ASPH: variants seen among roughly 807,000 people sequenced by gnomAD.
ASPH encodes aspartyl/asparaginyl beta-hydroxylase.
ASPH carries 100 observed loss-of-function variants against 118.4 expected under a neutral mutation model. That is an observed-to-expected ratio of 0.84 (90% CI 0.72 to 1.00). The LOEUF (loss-of-function observed/expected upper bound fraction) is 1.00, where lower values mean the gene tolerates loss of function less well. Ranked by LOEUF, ASPH falls within the 50% of genes least tolerant of loss-of-function variation. The pLI, the probability that ASPH is intolerant of heterozygous loss-of-function variation, is 0.00. For missense variants in ASPH, 920 were observed against 919.5 expected, an observed-to-expected ratio of 1.00 and a Z score of -0.01; for synonymous variants, 315 against 325.6, an observed-to-expected ratio of 0.97 and a Z score of 0.35.
chr8:61,643,502 A>G (rs1806290621), intron 8 of ASPH, 69 bp from the exon 9 acceptor site: 1 of 1,419,702 alleles, frequency 7.0e-7, no homozygotes, highest in African/African-American at 1.4e-5. Flanking sequence ...GCATTCTAGG[A>G]GATTCATAAA....
intron 3 of ASPH, among the ~76,000 whole-genome samples, chr8:61,672,156 A>G (rs1822887913): frequency 6.6e-6 from 1 of 152,220 alleles, no homozygotes; most frequent in African/African-American, 2.4e-5. Context: ...TCTAGAATGG[A>G]TGTCTACTCT....
At chr8:61,576,883 A>G (rs1416866159) in intron 15 of ASPH, 25 bp from the exon 16 acceptor site, 1 of 1,543,058 alleles carries the variant, frequency 6.5e-7, no homozygotes, top group South Asian at 1.2e-5. Context: ...AAATTACATA[A>G]ATAAAATAAA....
At chr8:61,550,048 C>G (rs1446157036) in intron 20 of ASPH, among the ~76,000 whole-genome samples, 3 of 152,100 alleles carry the variant, frequency 2.0e-5, no homozygotes, top group Admixed American at 2.0e-4. Flanking sequence ...TTTTCACTCT[C>G]CTGTCATATA....
intron 12 of ASPH, among the ~76,000 whole-genome samples, chr8:61,634,005 A>G (rs1856734402): frequency 6.6e-6 from 1 of 152,194 alleles, no homozygotes; most frequent in Admixed American, 6.5e-5. Context: ...GGAGCTATGG[A>G]CTAAAACTTA....
Position 61,584,165 on chromosome 8 carries a change from C to T in ASPH, c.977-136G>A, listed in dbSNP as rs1838520314. 6 of 580,544 alleles carry T rather than the reference C, an allele frequency of 1.0e-5. 1 individual carries two copies. Among genetic ancestry groups the T allele is most frequent in the South Asian group, 8.5e-5 (4 of 47,090 alleles). The allele number at this position is 580,544 out of a possible 1,614,324, so 36.0% of individuals were successfully genotyped here. Reference sequence around the variant, plus strand: ...TGCAGGAGAAGGCACACTGCAGGCTCGCCTTCCATTTCCTCCCCTAGATGG... The same window carrying T: ...TGCAGGAGAAGGCACACTGCAGGCTTGCCTTCCATTTCCTCCCCTAGATGG... On this transcript the variant is annotated intron_variant, in intron 14 of 24. Coordinates refer to ENST00000379454, the MANE Select transcript of ASPH (RefSeq NM_004318.4).
rs538515187 is a variant in ASPH at position 61,579,241 on chromosome 8, G to A, written c.1063-2383C>T. On this transcript the variant is annotated intron_variant, in intron 15 of 24. Transcript: ENST00000379454. ...GCCGCCATTGCAGATGCCGAGCAGC[G>A]TGGAGAGCTGGCCATTAAGGATGCC... 7.3e-4 allele frequency: 1,183 copies of A among 1,613,978 alleles called. 3 individuals carry two copies. The highest frequency in any genetic ancestry group is 9.3e-4 in the Non-Finnish European group (1,103 of 1,180,038).
chr8:61,600,469 T>C (rs1843671335), intron 14 of ASPH, among the ~76,000 whole-genome samples: 1 of 151,296 alleles, frequency 6.6e-6, no homozygotes, highest in South Asian at 2.1e-4. Context: ...TGATCTTATA[T>C]AGAAAAAAAT....
chr8:61,657,272 CAT>C (rs2151204466), intron 3 of ASPH: 1 of 152,266 alleles, frequency 6.6e-6, no homozygotes, highest in African/African-American at 2.4e-5. Flanking sequence ...CAAGTTCAGT[CAT>C]GTGTTGCTTA....
At chr8:61,625,821 TTAA>T (rs1852559483) in intron 13 of ASPH, 2 of 988,402 alleles carry the variant, frequency 2.0e-6, no homozygotes, top group Non-Finnish European at 2.4e-6. Context: ...CAAAGTACTC[TTAA>T]TAGCTTTTAA....
intron 1 of ASPH, among the ~76,000 whole-genome samples, chr8:61,691,268 T>C (rs1032258635): frequency 8.7e-5 from 13 of 149,412 alleles, no homozygotes; most frequent in Admixed American, 4.7e-4. Context: ...CCTTAAGAGG[T>C]TGGTACCATA....
In ASPH at chr8:61,553,044, A is replaced by T; in HGVS notation, c.1613T>A (p.Val538Asp). 6.2e-7 allele frequency: 1 copy of T among 1,612,908 alleles called. No homozygotes were observed. The highest frequency in any genetic ancestry group is 8.5e-7 in the Non-Finnish European group (1 of 1,179,096). ...YFHLGDAMQR[V>D]GNKEAYKWYE... is the part of the protein sequence containing the mutation. ...TATACCCATTACCTCTTTGTTCCCA[A>T]CCCTCTGCATGGCATCCCCCAGGTG... Residue 538 changes from valine to aspartate, a missense_variant, in exon 20 of 25, where the codon GTT (valine) becomes GAT (aspartate). Physicochemically the swap from Val to Asp is radical, Grantham distance 152. Coordinates refer to ENST00000379454, the MANE Select transcript of ASPH (RefSeq NM_004318.4).
intron 13 of ASPH, chr8:61,624,992 G>A: frequency 1.0e-6 from 1 of 985,270 alleles, no homozygotes; most frequent in Non-Finnish European, 1.2e-6. Flanking sequence ...GATCTATAGT[G>A]ATAAAAATAT....
intron 14 of ASPH, among the ~76,000 whole-genome samples, chr8:61,613,463 C>T (rs1848090897): frequency 6.6e-6 from 1 of 152,118 alleles, no homozygotes; most frequent in African/African-American, 2.4e-5. Flanking sequence ...ACTCTGTAAA[C>T]TCTGATTAAT....
chr8:61,665,206 G>A (rs1380439649), intron 3 of ASPH: 3 of 1,527,758 alleles, frequency 2.0e-6, no homozygotes, highest in African/African-American at 1.4e-5. Flanking sequence ...GTAACAAACT[G>A]CAATCTGGAA....
intron 14 of ASPH, among the ~76,000 whole-genome samples, chr8:61,589,306 A>T (rs1319804183): frequency 6.6e-6 from 1 of 152,218 alleles, no homozygotes; most frequent in African/African-American, 2.4e-5. Context: ...AAGCTCCATG[A>T]TTCTCAGTGA....
chr8:61,512,350 T>C (rs1344848586), intron 24 of ASPH, among the ~76,000 whole-genome samples: 4 of 152,132 alleles, frequency 2.6e-5, no homozygotes, highest in Admixed American at 2.0e-4. Context: ...CAATGATAAA[T>C]GTTCTTAGAA....
At chr8:61,598,884 T>C (rs1286590005) in intron 14 of ASPH, among the ~76,000 whole-genome samples, 1 of 152,098 alleles carries the variant, frequency 6.6e-6, no homozygotes, top group East Asian at 1.9e-4. Flanking sequence ...AACAACATGC[T>C]CCTGAATGGC....
intron 3 of ASPH, among the ~76,000 whole-genome samples, chr8:61,662,627 A>C (rs536741957): frequency 6.6e-6 from 1 of 152,344 alleles, no homozygotes; most frequent in Admixed American, 6.5e-5. Context: ...ATAAAGTGTG[A>C]CTTCAACTTC....
chr8:61,583,231 T>G (rs1838141167), intron 15 of ASPH: 1 of 143,980 alleles, frequency 6.9e-6, no homozygotes, highest in Non-Finnish European at 1.5e-5. Flanking sequence ...AAACTTGCAC[T>G]TCTATGATAC....
Sources: gnomAD v4.1 joint callset for allele counts (sites outside exome capture counted in the v4.1 genomes callset) on GRCh38, gnomAD v4.1.1 for gene constraint, MANE v1.5 for transcripts, NCBI Gene and HGNC (gene_info 2026-07-23, HGNC 2026-07-21) for gene names.